The following PEX11A variants were observed in gnomAD, a reference collection of about 807,000 sequenced individuals.
PEX11A encodes the protein peroxisomal biogenesis factor 11 alpha, also known as peroxisomal membrane protein 11A.
In PEX11A, 13 loss-of-function variants were observed where a neutral mutation model predicts 14.4. That is an observed-to-expected ratio of 0.90 (90% confidence interval 0.59 to 1.43). The LOEUF is 1.43. Among genes scored for constraint, PEX11A ranks in the 40% most tolerant of loss-of-function variants. The pLI is 0.00. For synonymous variants in PEX11A, 101 were observed against 113.0 expected (o/e 0.89, Z 0.67); for missense variants, 290 against 302.8 (o/e 0.96, Z 0.31).
In PEX11A at chr15:89,683,287, A is replaced by G. The variant is rs1257846904; in HGVS notation, c.*90T>C. 2 of 885,428 alleles carry G rather than the reference A, an allele frequency of 2.3e-6. No homozygotes were observed. The highest frequency in any genetic ancestry group is 2.4e-5 in the East Asian group (1 of 41,568). 54.8% of individuals were successfully genotyped at this position (885,428 alleles called of 1,614,324 possible). Reference sequence around the variant, plus strand: ...CTCACATGAACAAGAACTTAAGCACAGTATGACATGGCCTGTGACTTATAC... The same window carrying G: ...CTCACATGAACAAGAACTTAAGCACGGTATGACATGGCCTGTGACTTATAC... On this transcript the variant is annotated 3_prime_UTR_variant, in exon 3 of 3. Coordinates refer to ENST00000300056, the MANE Select transcript of PEX11A (RefSeq NM_003847.3).
chr15:89,686,237 G>T (rs1332553863), intron 2 of PEX11A, among the ~76,000 whole-genome samples, 194 bp downstream of exon 2: 1 of 152,252 alleles, frequency 6.6e-6, no homozygotes, highest in Non-Finnish European at 1.5e-5. Flanking sequence ...GTGAACATAA[G>T]AGGGTGTTTA....
intron 1 of PEX11A, among the ~76,000 whole-genome samples, chr15:89,686,836 A>G (rs1238497739): frequency 1.1e-5 from 1 of 91,606 alleles, no homozygotes; most frequent in Non-Finnish European, 2.8e-5. Flanking sequence ...GGATATAGTC[A>G]AAGTGAGAAA....
At chr15:89,690,366 G>T (rs1567087777) in intron 1 of PEX11A, among the ~76,000 whole-genome samples, 1 of 152,208 alleles carries the variant, frequency 6.6e-6, no homozygotes, top group Non-Finnish European at 1.5e-5. Flanking sequence ...CGTGCACGGG[G>T]CTAGGACGGG....
rs543984568 is a variant in PEX11A at position 89,689,997 on chromosome 15, T to C, written c.56+580A>G. Reference sequence around the variant, plus strand: ...AAATACAAAAAGTAGCCGGGCGTGGTAGTGCACGCCTGTAATCCCAGCTAC... The same window carrying C: ...AAATACAAAAAGTAGCCGGGCGTGGCAGTGCACGCCTGTAATCCCAGCTAC... On this transcript the variant is annotated intron_variant, in intron 1 of 2. Transcript: ENST00000300056. Among the ~76,000 whole-genome samples the C allele has an allele frequency of 1.4e-4, 22 of 152,212 alleles. No homozygotes were observed. The East Asian group carries it at 4.1e-3, about 28-fold the overall frequency.
intron 1 of PEX11A, 90 bp downstream of exon 1, chr15:89,690,487 T>TATC: frequency 1.1e-6 from 1 of 928,558 alleles, no homozygotes; most frequent in East Asian, 2.7e-5. Context: ...TCTACTAGGC[T>TATC]ATCACCTCCT....
Position 89,681,795 on chromosome 15 carries a change from C to A in PEX11A, c.*1582G>T, listed in dbSNP as rs959349694. 2.8e-6 allele frequency: 1 copy of A among 363,504 alleles called. No individual in the cohort carries two copies. Among genetic ancestry groups the A allele is most frequent in the African/African-American group, 2.1e-5 (1 of 47,934 alleles). The allele number at this position is 363,504 out of a possible 1,614,324, so 22.5% of individuals were successfully genotyped here. A position where few individuals can be genotyped will look rare whatever the true frequency, so the allele number is the denominator to read the frequency against. On this transcript the variant is annotated 3_prime_UTR_variant, in exon 3 of 3. Coordinates refer to ENST00000300056, the MANE Select transcript of PEX11A (RefSeq NM_003847.3). ...ACATATTTATTTTCTCATTTCCATT[C>A]AGATAAATGACACAGCTTTGCTGGG...
intron 1 of PEX11A, among the ~76,000 whole-genome samples, chr15:89,690,214 A>C (rs944353746): frequency 1.3e-5 from 2 of 152,214 alleles, no homozygotes; most frequent in Admixed American, 6.5e-5. Flanking sequence ...TCTTTAAAGG[A>C]GATCCCTCGG....
In PEX11A at chr15:89,683,750, G is replaced by A. The variant is rs1964634440; in HGVS notation, c.371C>T (p.Ala124Val). 3.7e-6 allele frequency: 6 copies of A among 1,614,094 alleles called. No homozygotes were observed. The highest frequency in any genetic ancestry group is 4.5e-5 in the East Asian group (2 of 44,886). ...INKEKWRTRA[A>V]HHYYYSLLLS... ...CAGAAGAGAATAGTAGTAGTGGTGA[G>A]CAGCCCTCGTTCGCCATTTCTCTTT... The change falls in exon 3 of 3, where the codon GCT becomes GTT. Residue 124 changes from alanine (A) to valine (V), a missense_variant. Ala to Val is a moderately conservative substitution (Grantham distance 64, BLOSUM62 0). Transcript: ENST00000300056.
chr15:89,688,180 T>C (rs886840949), intron 1 of PEX11A: 8 of 537,194 alleles, frequency 1.5e-5, no homozygotes, highest in African/African-American at 1.1e-4. Context: ...TCTTGTACTA[T>C]GTCACTTTGT....
Position 89,686,505 on chromosome 15 carries a change from T to A in PEX11A, c.98A>T (p.Glu33Val). The change falls in exon 2 of 3, where the codon GAG becomes GTG. Residue 33 changes from glutamate (E) to valine (V), a missense_variant. Transcript: ENST00000300056. ...CACCTTCTCTTTGCCAGCTTTGGGCTCTAACAAATATCTAAGCAACATGCA... is the reference window on the plus strand; with the variant it reads ...CACCTTCTCTTTGCCAGCTTTGGGCACTAACAAATATCTAAGCAACATGCA... ...YTCMLLRYLL[E>V]PKAGKEKVVM... 6.2e-7 allele frequency: 1 copy of A among 1,604,900 alleles called. No homozygotes were observed.
Position 89,686,461 on chromosome 15 carries a change from G to C in PEX11A, c.142C>G (p.Leu48Val). The change falls in exon 2 of 3, where the codon CTG becomes GTG. Residue 48 changes from leucine to valine, a missense_variant. Coordinates refer to ENST00000300056, the MANE Select transcript of PEX11A (RefSeq NM_003847.3). Reference sequence around the variant, plus strand: ...CGACCAGTGCTCACACTGGACTCCAGTTTCTTGAGCTTCATTACCACCTTC... The same window carrying C: ...CGACCAGTGCTCACACTGGACTCCACTTTCTTGAGCTTCATTACCACCTTC... Reference protein sequence around the residue: ...KEKVVMKLKKLESSVSTGRKW... With the variant: ...KEKVVMKLKKVESSVSTGRKW... 6.3e-7 allele frequency: 1 copy of C among 1,592,574 alleles called. No homozygotes were observed. Among genetic ancestry groups the C allele is most frequent in the Non-Finnish European group, 8.6e-7 (1 of 1,160,570 alleles).
At chr15:89,686,810 G>A (rs566250467) in intron 1 of PEX11A, among the ~76,000 whole-genome samples, 2 of 149,936 alleles carry the variant, frequency 1.3e-5, no homozygotes, top group South Asian at 4.2e-4. Flanking sequence ...AAGGCCTTTT[G>A]CTGGCACAGA....
intron 1 of PEX11A, among the ~76,000 whole-genome samples, chr15:89,688,982 G>A (rs974993748): frequency 2.0e-5 from 3 of 152,140 alleles, no homozygotes; most frequent in East Asian, 3.8e-4. Context: ...CCAAAGTGCT[G>A]GGATTACAGG....
In PEX11A at chr15:89,683,592, G is replaced by A. The variant is rs1648975841; in HGVS notation, c.529C>T (p.Leu177Phe). 1 of 1,613,966 alleles carries A rather than the reference G, an allele frequency of 6.2e-7. No homozygotes were observed. The highest frequency in any genetic ancestry group is 8.5e-7 in the Non-Finnish European group (1 of 1,179,822). The stretch of plus-strand genomic sequence containing the variant: ...AATAAAAGAAGTAGAAAGGATTGGA[G>A]CCATTCTGTTTCCTCCTCAGCCACG... Reference protein sequence around the residue: ...FSVAEEETEWLQSFLLLLFRS... With the variant: ...FSVAEEETEWFQSFLLLLFRS... The change falls in exon 3 of 3, where the codon CTC becomes TTC. Residue 177 changes from leucine (L) to phenylalanine (F), a missense_variant. Leu to Phe is a conservative substitution (Grantham distance 22). Coordinates refer to ENST00000300056, the MANE Select transcript of PEX11A (RefSeq NM_003847.3).
intron 1 of PEX11A, among the ~76,000 whole-genome samples, chr15:89,686,802 G>C (rs548129052): frequency 1.8e-4 from 28 of 151,722 alleles, no homozygotes; most frequent in Admixed American, 1.8e-3. Flanking sequence ...GCCTCCAAAA[G>C]GCCTTTTGCT....
rs116461994 is a variant in PEX11A, at chr15:89,686,419, C to G, written c.172+12G>C. 1.3e-3 allele frequency: 1,495 copies of G among 1,174,484 alleles called. 11 individuals are homozygous for G. In the African/African-American group the frequency reaches 0.019, roughly 15 times the overall value. 72.8% of individuals were successfully genotyped at this position (1,174,484 alleles called of 1,614,324 possible). ...CCAGGAGTCACTGTCCCTCAAGAAACAGGGTACTTACATTTACGACCAGTG... is the reference window on the plus strand; with the variant it reads ...CCAGGAGTCACTGTCCCTCAAGAAAGAGGGTACTTACATTTACGACCAGTG... On this transcript the variant is annotated intron_variant, in intron 2 of 2. Coordinates refer to ENST00000300056, the MANE Select transcript of PEX11A (RefSeq NM_003847.3).
In PEX11A at chr15:89,690,586, C is replaced by T; in HGVS notation, c.47G>A (p.Arg16Gln). Residue 16 changes from arginine to glutamine, a missense_variant, in exon 1 of 3, where the codon CGA (arginine) becomes CAA (glutamine). By Grantham distance (43) the Arg-to-Gln change is conservative. Transcript: ENST00000300056. ...RFTNQTQGRDRLFRATQYTCM... is the reference protein window; with the variant it reads ...RFTNQTQGRDQLFRATQYTCM... ...CTGGCACCTGACTCACCTGAAGAGTCGGTCCCGGCCCTGGGTCTGGTTGGT... is the reference window on the plus strand; with the variant it reads ...CTGGCACCTGACTCACCTGAAGAGTTGGTCCCGGCCCTGGGTCTGGTTGGT... 1 of 1,551,222 alleles carries T rather than the reference C, an allele frequency of 6.4e-7. No homozygotes were observed. Among genetic ancestry groups the T allele is most frequent in the Non-Finnish European group, 8.7e-7 (1 of 1,146,778 alleles).
At chr15:89,687,822 G>A (rs1457097222) in intron 1 of PEX11A, 2 of 314,138 alleles carry the variant, frequency 6.4e-6, no homozygotes, top group African/African-American at 4.4e-5. Context: ...CTGAGCTTTG[G>A]TCTAATAATA....
chr15:89,690,230 T>C (rs1442997744), intron 1 of PEX11A, among the ~76,000 whole-genome samples: 1 of 152,170 alleles, frequency 6.6e-6, no homozygotes. Flanking sequence ...CTCGGAAGAA[T>C]GTTGAGTGGA....
Sources: gnomAD v4.1 joint callset for allele counts (sites outside exome capture counted in the v4.1 genomes callset) on GRCh38, gnomAD v4.1.1 for gene constraint, MANE v1.5 for transcripts, NCBI Gene and HGNC (gene_info 2026-07-23, HGNC 2026-07-21) for gene names.